PRDM1: variants seen among roughly 807,000 people sequenced by gnomAD.
PRDM1 encodes PR/SET domain 1.
A neutral mutation model predicts 62.8 loss-of-function variants in PRDM1; 13 were observed. The observed-to-expected ratio is 0.21, with a 90% confidence interval of 0.13 to 0.33. The LOEUF is 0.33. Among genes scored for constraint, PRDM1 ranks in the 10% least tolerant of loss-of-function variants. The pLI is 1.00. For missense variants in PRDM1, 895 were observed against 1,058.8 expected, an observed-to-expected ratio of 0.85 and a Z score of 2.15; for synonymous variants, 396 against 417.6, an observed-to-expected ratio of 0.95 and a Z score of 0.63.
chr6:106,059,527 C>T (rs1053907701), intron 1 of PRDM1, among the ~76,000 whole-genome samples: 5 of 152,160 alleles, frequency 3.3e-5, no homozygotes, highest in Non-Finnish European at 7.4e-5. Context: ...GGTTTGCATA[C>T]CTTGGCAAGT....
At chr6:106,046,357 A>G (rs1195379509), upstream of PRDM1, 1 of 152,038 alleles carries the variant, frequency 6.6e-6, no homozygotes, top group Non-Finnish European at 1.5e-5. Flanking sequence ...TTTCATTTCC[A>G]TGGAGGGAGG....
rs564042766 is a variant in PRDM1, at chr6:106,026,545, C to T, written c.-67+32906C>T. 6.6e-5 allele frequency among the ~76,000 whole-genome samples: 10 copies of T among 152,156 alleles called. No individual in the cohort carries two copies. In the East Asian group the frequency reaches 7.7e-4, roughly 12 times the overall value. On this transcript the variant is annotated intron_variant, in intron 1 of 6. Coordinates refer to the PRDM1 transcript ENST00000652320. ...AGAGCCGAAAACTGAACAATGTTTT[C>T]GTCTGGTGTAGTGGGAGGGAGGGAG... is the stretch of plus-strand genomic sequence containing the variant.
chr6:106,070,504 T>C (rs892008802), intron 1 of PRDM1, among the ~76,000 whole-genome samples: 1 of 152,202 alleles, frequency 6.6e-6, no homozygotes, highest in Non-Finnish European at 1.5e-5. Flanking sequence ...TAATTGTACA[T>C]AACATTGTAA....
At position 105,994,483 on chromosome 6, in the gene PRDM1, G is replaced by A. The variant is rs1215394195; in HGVS notation, c.-67+844G>A. 6.6e-6 allele frequency among the ~76,000 whole-genome samples: 1 copy of A among 152,204 alleles called. No individual in the cohort carries two copies. ...TTCTATTACGTTTCTTGTTCTCCGA[G>A]CTCGAGCCCCCTTTTAAAAAGTCGC... On this transcript the variant is annotated intron_variant, in intron 1 of 6. Transcript: ENST00000652320. This position sits in a 1 kb window ranked among gnomAD's most constrained non-coding sequence, Gnocchi z 4.1.
At chr6:106,008,608 G>T (rs1435358295) in intron 1 of PRDM1, among the ~76,000 whole-genome samples, 2 of 152,144 alleles carry the variant, frequency 1.3e-5, no homozygotes, top group Admixed American at 1.3e-4. Context: ...GGCTCTCTAG[G>T]ATTCTCCTTC....
At chr6:106,030,996 C>CTTTTTTTTTTTTT (rs11343130) in intron 1 of PRDM1, among the ~76,000 whole-genome samples, 2 of 135,310 alleles carry the variant, frequency 1.5e-5, no homozygotes, top group Admixed American at 7.4e-5. Context: ...TGTATTCTCT[C>CTTTTTTTTTTTTT]TTTTTTTTTT....
chr6:106,033,199 G>A (rs1402172993), intron 1 of PRDM1, among the ~76,000 whole-genome samples: 1 of 151,974 alleles, frequency 6.6e-6, no homozygotes, highest in Non-Finnish European at 1.5e-5. Flanking sequence ...AAGTGCAGTG[G>A]CACAATCATA....
rs958999823 is a variant in PRDM1, at chr6:106,086,538, AC to A, written c.-15del. 19 of 1,551,434 alleles carry A rather than the reference AC, an allele frequency of 1.2e-5. No homozygotes were observed. In the African/African-American group the frequency reaches 2.6e-4, roughly 21 times the overall value. ...GAGAATGTGGACTGGGTAGAGATGAACGAGACTTTTCTCAGATGTTGGATAT... is the reference window on the plus strand; with the variant it reads ...GAGAATGTGGACTGGGTAGAGATGAAGAGACTTTTCTCAGATGTTGGATAT... On this transcript the variant is annotated 5_prime_UTR_variant, in exon 1 of 7. Coordinates refer to ENST00000369096, the MANE Select transcript of PRDM1 (RefSeq NM_001198.4).
At chr6:106,104,757 C>G (rs1774392326) in intron 4 of PRDM1, 68 bp from the exon 5 acceptor site, 1 of 1,505,256 alleles carries the variant, frequency 6.6e-7, no homozygotes, top group African/African-American at 1.4e-5. Flanking sequence ...GAAGGAGGAG[C>G]AACTTTGGCA....
chr6:106,086,901 G>C (rs897464610), intron 1 of PRDM1, among the ~76,000 whole-genome samples: 2 of 151,838 alleles, frequency 1.3e-5, no homozygotes, highest in Non-Finnish European at 2.9e-5. Flanking sequence ...TGTGTTTGGC[G>C]TCATGACTCT....
Position 106,105,403 on chromosome 6 carries a change from T to C in PRDM1, c.1243T>C (p.Leu415=). ...CAACGCTCACTACCCCAAGTTCCTC[T>C]TGCCCCCCTACGGCATGAATTGTAA... ...SYNAHYPKFL[L]PPYGMNCNGL... Residue 415 remains leucine (L), a synonymous_variant, in exon 5 of 7, where the codon TTG becomes CTG. Transcript: ENST00000369096. 1 of 1,614,156 alleles carries C rather than the reference T, an allele frequency of 6.2e-7. No individual in the cohort carries two copies. Among genetic ancestry groups the C allele is most frequent in the Non-Finnish European group, 8.5e-7 (1 of 1,180,026 alleles).
Position 106,050,001 on chromosome 6 carries a change from C to T in PRDM1, c.-67+1287C>T, listed in dbSNP as rs149649544. Among the ~76,000 whole-genome samples, 894 of 152,270 alleles carry T rather than the reference C, an allele frequency of 5.9e-3. 13 individuals are homozygous for T. The highest frequency in any genetic ancestry group is 0.02 in the African/African-American group (848 of 41,556). On this transcript the variant is annotated intron_variant, in intron 1 of 6. Transcript: ENST00000651185. The stretch of plus-strand genomic sequence containing the variant: ...AGTTCTCCTACAAATGCAAAATATT[C>T]ATATTTGGTGCAGAGTAGCATAGGA...
chr6:106,099,969 T>C (rs1179466650), intron 4 of PRDM1, among the ~76,000 whole-genome samples: 2 of 152,240 alleles, frequency 1.3e-5, no homozygotes, highest in African/African-American at 4.8e-5. Flanking sequence ...AGTTAGGATC[T>C]GATGTGGAAC....
chr6:106,103,812 A>G (rs1264121612), intron 4 of PRDM1, among the ~76,000 whole-genome samples: 1 of 152,156 alleles, frequency 6.6e-6, no homozygotes, highest in African/African-American at 2.4e-5. Flanking sequence ...TGCGCTAAGT[A>G]ATTGAACTGG....
chr6:106,008,996 C>G (rs1280335008), intron 1 of PRDM1, among the ~76,000 whole-genome samples: 1 of 152,186 alleles, frequency 6.6e-6, no homozygotes. Context: ...TTGTCTCTGA[C>G]TCCTAAGACC....
chr6:106,104,027 A>G (rs556635769), intron 4 of PRDM1, among the ~76,000 whole-genome samples: 1 of 152,342 alleles, frequency 6.6e-6, no homozygotes, highest in South Asian at 2.1e-4. Context: ...ATTCGTATTC[A>G]ACAAGAGTAG....
intron 1 of PRDM1, among the ~76,000 whole-genome samples, chr6:106,054,522 A>G (rs774615002): frequency 2.6e-4 from 40 of 152,180 alleles, no homozygotes; most frequent in Non-Finnish European, 4.1e-4. Context: ...CATTAGATGA[A>G]TTAAAAAGCA....
intron 1 of PRDM1, among the ~76,000 whole-genome samples, chr6:105,997,106 A>G (rs778846191): frequency 6.6e-6 from 1 of 152,238 alleles, no homozygotes; most frequent in East Asian, 1.9e-4. Context: ...TATTGAGCAC[A>G]TACTGTAAGG....
At chr6:106,047,083 T>G (rs1773089144), upstream of PRDM1, among the ~76,000 whole-genome samples, 1 of 152,246 alleles carries the variant, frequency 6.6e-6, no homozygotes, top group Non-Finnish European at 1.5e-5. Flanking sequence ...TCCTTGCTTC[T>G]TAACAAACAG....
Sources: gnomAD v4.1 joint callset for allele counts (sites outside exome capture counted in the v4.1 genomes callset) on GRCh38, gnomAD v4.1.1 for gene constraint, Gnocchi (gnomAD v3.1) non-coding constraint, MANE v1.5 for transcripts, NCBI Gene and HGNC (gene_info 2026-07-23, HGNC 2026-07-21) for gene names.